Variants in FBN1 observed in about 807,000 individuals in gnomAD.
The protein encoded by FBN1 is fibrillin 1.
In FBN1, 29 loss-of-function variants were observed where a neutral mutation model predicts 365.1. The observed-to-expected ratio is 0.08, with a 90% confidence interval of 0.06 to 0.11. The LOEUF is 0.11. Ranked by LOEUF, FBN1 falls within the 10% of genes least tolerant of loss-of-function variation. The pLI is 1.00. For synonymous variants in FBN1, 1,210 were observed against 1,270.5 expected (o/e 0.95, Z 1.01); for missense variants, 2,476 against 3,703.2 (o/e 0.67, Z 8.60).
intron 6 of FBN1, among the ~76,000 whole-genome samples, chr15:48,596,042 C>T (rs746617158): frequency 2.0e-5 from 3 of 152,176 alleles, no homozygotes; most frequent in Non-Finnish European, 4.4e-5. Flanking sequence ...TAACTGAGTA[C>T]CACCAAATTA....
chr15:48,632,151 T>C (rs1890000123), intron 2 of FBN1, among the ~76,000 whole-genome samples: 2 of 151,704 alleles, frequency 1.3e-5, no homozygotes. Flanking sequence ...CCTTTAAGTA[T>C]AACCAGATCT....
At chr15:48,450,035 A>C (rs1482531888) in intron 45 of FBN1, among the ~76,000 whole-genome samples, 2 of 152,214 alleles carry the variant, frequency 1.3e-5, no homozygotes, top group African/African-American at 4.8e-5. Context: ...TATGAGGGGA[A>C]ATTGAAATAG....
chr15:48,622,922 T>A (rs1889796749), intron 2 of FBN1, among the ~76,000 whole-genome samples: 1 of 152,222 alleles, frequency 6.6e-6, no homozygotes, highest in African/African-American at 2.4e-5. Context: ...TGTTCCCTGA[T>A]GAATCCATCC....
intron 6 of FBN1, among the ~76,000 whole-genome samples, chr15:48,562,864 AG>A (rs1393674657): frequency 2.6e-5 from 4 of 152,210 alleles, no homozygotes; most frequent in Admixed American, 2.6e-4. Context: ...AATAGTTTGG[AG>A]GACTCTAAAA....
At chr15:48,572,649 A>C (rs888122242) in intron 6 of FBN1, among the ~76,000 whole-genome samples, 1 of 152,162 alleles carries the variant, frequency 6.6e-6, no homozygotes, top group Non-Finnish European at 1.5e-5. Flanking sequence ...TAAAATCTAC[A>C]CAGTTACAAA....
chr15:48,500,597 A>G (rs910992802), intron 17 of FBN1, among the ~76,000 whole-genome samples: 1 of 152,234 alleles, frequency 6.6e-6, no homozygotes, highest in African/African-American at 2.4e-5. Context: ...TAAAAGTATT[A>G]TAAACACATA....
intron 38 of FBN1, 111 bp from the exon 39 acceptor site, chr15:48,465,969 C>G: frequency 1.3e-6 from 1 of 786,776 alleles, no homozygotes; most frequent in Non-Finnish European, 2.2e-6. Flanking sequence ...TTTCAGGAAT[C>G]TTTAGTTGTT....
chr15:48,485,534 T>G (rs1303466085), intron 29 of FBN1, 38 bp from the exon 30 acceptor site: 5 of 1,611,258 alleles, frequency 3.1e-6, no homozygotes, highest in Non-Finnish European at 4.2e-6. Flanking sequence ...TCTGATATGG[T>G]TTGGATGTCT....
chr15:48,452,417 A>C, intron 45 of FBN1, 145 bp downstream of exon 45: 3 of 945,500 alleles, frequency 3.2e-6, no homozygotes. Context: ...CCTTTTTCCA[A>C]TTTAGTTTAA....
chr15:48,469,141 CAT>C (rs1396717272), intron 36 of FBN1, among the ~76,000 whole-genome samples: 1 of 129,978 alleles, frequency 7.7e-6, no homozygotes, highest in African/African-American at 3.1e-5. Context: ...ATATATATTA[CAT>C]ATATATATAT....
chr15:48,493,356 C>T (rs775116848), intron 23 of FBN1, among the ~76,000 whole-genome samples: 2 of 152,026 alleles, frequency 1.3e-5, no homozygotes, highest in African/African-American at 2.4e-5. Context: ...GAAACTCATA[C>T]ACACTGTGTC....
At chr15:48,466,382 C>A (rs367987385) in intron 38 of FBN1, among the ~76,000 whole-genome samples, 1 of 152,154 alleles carries the variant, frequency 6.6e-6, no homozygotes, top group South Asian at 2.1e-4. Flanking sequence ...CTATGGGTGG[C>A]AATATTGATT....
At chr15:48,482,547 A>G (rs2043473102) in intron 31 of FBN1, among the ~76,000 whole-genome samples, 1 of 152,188 alleles carries the variant, frequency 6.6e-6, no homozygotes, top group Non-Finnish European at 1.5e-5. Context: ...TCATGGCATA[A>G]GGAGGAGGTA....
At chr15:48,513,491 A>C in intron 13 of FBN1, 58 bp downstream of exon 13, 1 of 1,612,806 alleles carries the variant, frequency 6.2e-7, no homozygotes, top group Non-Finnish European at 8.5e-7. Flanking sequence ...ACTCCTTTGA[A>C]GCCAACCCCC....
chr15:48,573,437 A>G lies in FBN1; in HGVS notation c.538+22846T>C, dbSNP rs538819098. 1.2e-4 allele frequency among the ~76,000 whole-genome samples: 18 copies of G among 152,352 alleles called. No individual in the cohort carries two copies. In the East Asian group the frequency reaches 3.3e-3, roughly 28 times the overall value. ...AATATAATAAATTGTAAATTAAACA[A>G]TATGGCTTATAGTGTTATAAAAATA... On this transcript the variant is annotated intron_variant, in intron 6 of 65. Coordinates refer to ENST00000316623, the MANE Select transcript of FBN1 (RefSeq NM_000138.5).
chr15:48,487,280 C>T, intron 28 of FBN1, 32 bp downstream of exon 28: 1 of 1,614,164 alleles, frequency 6.2e-7, no homozygotes, highest in Non-Finnish European at 8.5e-7. Flanking sequence ...CAACTGACCA[C>T]AAGTAAATGG....
At chr15:48,598,284 G>A (rs1376392584) in intron 5 of FBN1, among the ~76,000 whole-genome samples, 2 of 152,164 alleles carry the variant, frequency 1.3e-5, no homozygotes, top group Non-Finnish European at 2.9e-5. Context: ...CTGCCAGAGG[G>A]TAACATTTAT....
intron 6 of FBN1, among the ~76,000 whole-genome samples, chr15:48,563,374 T>A (rs2044238216): frequency 6.6e-6 from 1 of 151,910 alleles, no homozygotes; most frequent in South Asian, 2.1e-4. Context: ...TTAATGAGTA[T>A]CATATGAAGG....
chr15:48,569,169 C>T (rs1273666891), intron 6 of FBN1, among the ~76,000 whole-genome samples: 4 of 151,956 alleles, frequency 2.6e-5, no homozygotes, highest in African/African-American at 9.7e-5. Flanking sequence ...GCCGGCAAGA[C>T]ATTAGAGTAA....
Sources: gnomAD v4.1 joint callset for allele counts (sites outside exome capture counted in the v4.1 genomes callset) on GRCh38, gnomAD v4.1.1 for gene constraint, MANE v1.5 for transcripts, NCBI Gene and HGNC (gene_info 2026-07-23, HGNC 2026-07-21) for gene names.